Variants in COL4A6 observed in about 807,000 individuals in gnomAD.
The protein encoded by COL4A6 is collagen alpha-6(IV) chain.
Under a neutral mutation model 126.7 loss-of-function variants are expected in COL4A6, and 59 were observed. That is an observed-to-expected ratio of 0.47 (90% CI 0.38 to 0.58). COL4A6 has a LOEUF of 0.58. Ranked by LOEUF, COL4A6 falls within the 20% of genes least tolerant of loss-of-function variation. The probability of loss-of-function intolerance (pLI) is 0.00; values close to 1 mark genes in which losing one functional copy is unlikely to be tolerated. For missense variants in COL4A6, 1,285 were observed against 1,337.3 expected (o/e 0.96, Z 0.61); for synonymous variants, 547 against 496.6 (o/e 1.10, Z -1.35).
intron 2 of COL4A6, among the ~76,000 whole-genome samples, chrX:108,352,355 G>A (rs192518403): frequency 8.9e-6 from 1 of 112,667 alleles, no homozygotes; most frequent in African/African-American, 3.2e-5. Flanking sequence ...GCAACAAGGA[G>A]TCAATGTACT....
chrX:108,399,281 C>T (rs1005648980), intron 2 of COL4A6, among the ~76,000 whole-genome samples: 4 of 111,277 alleles, frequency 3.6e-5, no homozygotes, highest in African/African-American at 6.5e-5. Flanking sequence ...GTATGAAATG[C>T]CCACTAAGTT....
intron 31 of COL4A6, 117 bp downstream of exon 31, chrX:108,174,323 G>A (rs1464101121): frequency 1.4e-6 from 1 of 720,623 alleles, no homozygotes; most frequent in Non-Finnish European, 2.1e-6. Flanking sequence ...TTCTGAGGAT[G>A]TCCTGGGAGA....
At chrX:108,360,267 T>A (rs1412981787) in intron 2 of COL4A6, among the ~76,000 whole-genome samples, 3 of 111,974 alleles carry the variant, frequency 2.7e-5, no homozygotes, top group Non-Finnish European at 5.6e-5. Context: ...TAATCCAGTA[T>A]TTACTATGCA....
At chrX:108,319,213 CA>C (rs1315146301) in intron 2 of COL4A6, among the ~76,000 whole-genome samples, 2 of 111,778 alleles carry the variant, frequency 1.8e-5, no homozygotes, top group South Asian at 7.5e-4. Context: ...CCCATCTCTA[CA>C]AAAAAATTAG....
At chrX:108,349,382 T>C (rs939612035) in intron 2 of COL4A6, among the ~76,000 whole-genome samples, 1 of 111,426 alleles carries the variant, frequency 9.0e-6, no homozygotes, top group African/African-American at 3.3e-5. Flanking sequence ...CAGCTTATGA[T>C]ACTGAACTGG....
intron 3 of COL4A6, among the ~76,000 whole-genome samples, chrX:108,238,113 T>TG (rs1157561872): frequency 1.1e-4 from 10 of 95,121 alleles, no homozygotes; most frequent in South Asian, 4.5e-4. Context: ...TGTGTGTGTG[T>TG]TTTTTTTTTT....
rs5929114 is a variant in COL4A6 at position 108,283,588 on chromosome X, T to G, written c.144+27160A>C. On this transcript the variant is annotated intron_variant, in intron 3 of 44. Coordinates refer to ENST00000334504, the MANE Select transcript of COL4A6 (RefSeq NM_033641.4). ...GGGTGATCCCCCTAAGTTTTTTTTT[T>G]GGGGGGGGGTTGGCGGCGGGGATGC... Among the ~76,000 whole-genome samples the G allele has an allele frequency of 9.6e-4, 9 of 9,340 alleles. No individual in the cohort carries two copies. In the East Asian group the frequency reaches 0.018, roughly 18 times the overall value. 8.1% of individuals were successfully genotyped at this position (9,340 alleles called of 115,157 possible).
intron 41 of COL4A6, 62 bp from the exon 42 acceptor site, chrX:108,161,797 A>G: frequency 1.3e-6 from 1 of 751,056 alleles, no homozygotes. Context: ...CACCTTCCCC[A>G]GGAAAGGGGA....
chrX:108,389,455 T>G (rs1043562606), intron 2 of COL4A6, among the ~76,000 whole-genome samples: 5 of 111,953 alleles, frequency 4.5e-5, no homozygotes, highest in Admixed American at 2.8e-4. Context: ...CATTGATCCC[T>G]TTACCATTAT....
intron 3 of COL4A6, among the ~76,000 whole-genome samples, chrX:108,286,646 A>G (rs1010216257): frequency 2.7e-5 from 3 of 111,538 alleles, no homozygotes; most frequent in Non-Finnish European, 5.6e-5. Context: ...ATCATAGTGC[A>G]CTGCAGCCCT....
chrX:108,403,959 C>T (rs537875911), intron 2 of COL4A6, among the ~76,000 whole-genome samples: 4 of 111,430 alleles, frequency 3.6e-5, no homozygotes, highest in Non-Finnish European at 7.5e-5. Flanking sequence ...GCTCTCTTTA[C>T]GTGTCCTGAT....
In COL4A6 at chrX:108,164,758, G is replaced by A. The variant is rs763098687; in HGVS notation, c.3971-60C>T. 3.6e-5 allele frequency: 42 copies of A among 1,178,988 alleles called. No individual in the cohort carries two copies. The African/African-American group carries it at 6.7e-4, about 19-fold the overall frequency. On this transcript the variant is annotated intron_variant, in intron 39 of 44. Coordinates refer to ENST00000334504, the MANE Select transcript of COL4A6 (RefSeq NM_033641.4). Reference sequence around the variant, plus strand: ...GCATGGTAGGGGTGGTAGGGGTGGAGGATAGGCAGGGGTGAGGTAGGGAAG... The same window carrying A: ...GCATGGTAGGGGTGGTAGGGGTGGAAGATAGGCAGGGGTGAGGTAGGGAAG...
rs752826360 is a variant in COL4A6 at position 108,161,838 on chromosome X, G to A, written c.4217-103C>T. On this transcript the variant is annotated intron_variant, in intron 41 of 44. Transcript: ENST00000334504. The stretch of plus-strand genomic sequence containing the variant: ...GTGTCATGCCCAAGACTCACTAGGA[G>A]ACGATGCACTTGGCTGTCGACTTGG... 9 of 521,545 alleles carry A rather than the reference G, an allele frequency of 1.7e-5. No individual in the cohort carries two copies. The East Asian group carries it at 3.4e-4, about 20-fold the overall frequency. The allele number at this position is 521,545 out of a possible 1,213,427, so 43.0% of individuals were successfully genotyped here.
intron 2 of COL4A6, among the ~76,000 whole-genome samples, chrX:108,398,646 A>G (rs112085988): frequency 1.2e-3 from 139 of 111,357 alleles, no homozygotes; most frequent in African/African-American, 4.1e-3. Flanking sequence ...ATTCAAAACT[A>G]AAATAGGACC....
chrX:108,297,748 T>A (rs1432466184), intron 3 of COL4A6, among the ~76,000 whole-genome samples: 1 of 110,173 alleles, frequency 9.1e-6, no homozygotes, highest in African/African-American at 3.3e-5. Context: ...GGGAAGAAAA[T>A]CTGGTCTCTA....
Position 108,341,871 on chromosome X carries a change from A to G in COL4A6, c.64-31043T>C, listed in dbSNP as rs184177212. Among the ~76,000 whole-genome samples the G allele has an allele frequency of 7.0e-3, 791 of 112,357 alleles. 8 individuals carry two copies. The highest frequency in any genetic ancestry group is 0.024 in the African/African-American group (750 of 30,986). ...AATTTGATGAATAAAATTAAAACAC[A>G]TTAGATAAGACTAAAGGTGCAAAGT... On this transcript the variant is annotated intron_variant, in intron 2 of 44. Transcript: ENST00000334504.
At chrX:108,242,502 TTGAG>T (rs1424232548) in intron 3 of COL4A6, among the ~76,000 whole-genome samples, 1 of 112,110 alleles carries the variant, frequency 8.9e-6, no homozygotes, top group African/African-American at 3.2e-5. Flanking sequence ...AACATCTAGA[TTGAG>T]TTAGTGGTAA....
intron 2 of COL4A6, among the ~76,000 whole-genome samples, chrX:108,382,327 T>C (rs1430987431): frequency 1.8e-5 from 2 of 112,293 alleles, no homozygotes; most frequent in Non-Finnish European, 3.8e-5. Context: ...TGGGTAGTTG[T>C]GAAGATGAAA....
chrX:108,306,540 G>A, intron 3 of COL4A6, among the ~76,000 whole-genome samples: 1 of 111,897 alleles, frequency 8.9e-6, no homozygotes, highest in Non-Finnish European at 1.9e-5. Flanking sequence ...TGGTAGCCAT[G>A]GCACCAGTCA....
Sources: allele counts gnomAD v4.1 joint callset (sites outside exome capture counted in the v4.1 genomes callset), GRCh38; gene constraint gnomAD v4.1.1; transcripts MANE v1.5; gene names NCBI Gene and HGNC (gene_info 2026-07-23, HGNC 2026-07-21).